LGALS3: variants seen among roughly 807,000 people sequenced by gnomAD.
LGALS3 encodes the protein galectin-3.
A neutral mutation model predicts 20.7 loss-of-function variants in LGALS3; 18 were observed. The observed-to-expected ratio is 0.87, with a 90% CI of 0.60 to 1.29. LGALS3 has a LOEUF of 1.29. Among genes scored for constraint, LGALS3 ranks in the 50% most tolerant of loss-of-function variants. LGALS3 has a pLI of 0.00. For synonymous variants in LGALS3, 112 were observed against 119.6 expected (o/e 0.94, Z 0.42); for missense variants, 315 against 314.7 (o/e 1.00, Z -0.01).
chr14:55,130,683 C>T (rs1381585533), intron 1 of LGALS3, among the ~76,000 whole-genome samples: 3 of 150,606 alleles, frequency 2.0e-5, no homozygotes, highest in African/African-American at 7.4e-5. Context: ...CCTCAGCCTC[C>T]CGAGTAGCTG....
chr14:55,129,590 G>C lies in LGALS3; in HGVS notation c.-5+290G>C, dbSNP rs1415984449. Among the ~76,000 whole-genome samples, 1 of 152,198 alleles carries C rather than the reference G, an allele frequency of 6.6e-6. No homozygotes were observed. Among genetic ancestry groups the C allele is most frequent in the Non-Finnish European group, 1.5e-5 (1 of 68,026 alleles). On this transcript the variant is annotated intron_variant, in intron 1 of 5. Coordinates refer to ENST00000254301, the MANE Select transcript of LGALS3 (RefSeq NM_002306.4). This position sits in a 1 kb window ranked among gnomAD's most constrained non-coding sequence, Gnocchi z 5.3. Reference sequence around the variant, plus strand: ...GGGGCGGCACGGGCCACCTTCTGCGGAGCCTCGTGGGCTTCGCCGCCGTCG... The same window carrying C: ...GGGGCGGCACGGGCCACCTTCTGCGCAGCCTCGTGGGCTTCGCCGCCGTCG...
intron 2 of LGALS3, 27 bp downstream of exon 2, chr14:55,137,418 C>A (rs1329361678): frequency 2.5e-6 from 4 of 1,614,022 alleles, no homozygotes; most frequent in African/African-American, 1.3e-5. Flanking sequence ...TGTTTCTTCC[C>A]CTTGATCAGC....
chr14:55,144,197 G>A (rs1416740732), intron 5 of LGALS3, among the ~76,000 whole-genome samples: 1 of 152,230 alleles, frequency 6.6e-6, no homozygotes, highest in Admixed American at 6.5e-5. Context: ...CTGGAGTACA[G>A]TGGCATGGTC....
chr14:55,130,240 G>A (rs930271106), intron 1 of LGALS3, among the ~76,000 whole-genome samples: 4 of 152,196 alleles, frequency 2.6e-5, no homozygotes, highest in Admixed American at 2.6e-4. Flanking sequence ...ATTGCCCTCT[G>A]AGCAGTAGGC....
chr14:55,138,605 G>A (rs1290131952), intron 3 of LGALS3, among the ~76,000 whole-genome samples: 2 of 113,796 alleles, frequency 1.8e-5, no homozygotes, highest in African/African-American at 8.8e-5. Flanking sequence ...CAAGATTGTA[G>A]TAATGGAGAA....
intron 3 of LGALS3, among the ~76,000 whole-genome samples, chr14:55,139,186 G>C (rs1288156042): frequency 1.3e-5 from 2 of 152,072 alleles, no homozygotes; most frequent in Admixed American, 1.3e-4. Context: ...AGACATGAAG[G>C]CTGTGGAAAG....
In LGALS3 at chr14:55,142,755, T is replaced by C. The variant is rs878888366; in HGVS notation, c.597+6T>C. On this transcript the variant is annotated splice_donor_region_variant and intron_variant, in intron 5 of 5. Transcript: ENST00000254301. ...AAAGTGGGAAACCATTCAAAGTAAG[T>C]TATTGCTACTATTATATATTGATAA... 1 of 1,599,354 alleles carries C rather than the reference T, an allele frequency of 6.3e-7. No homozygotes were observed. The highest frequency in any genetic ancestry group is 1.7e-5 in the Admixed American group (1 of 59,966).
At chr14:55,131,195 G>A (rs554749167) in intron 1 of LGALS3, among the ~76,000 whole-genome samples, 16 of 152,310 alleles carry the variant, frequency 1.1e-4, no homozygotes, top group African/African-American at 3.1e-4. Flanking sequence ...ACTAAGTTAC[G>A]TAAGAAGCAG....
In LGALS3 at chr14:55,129,628, C is replaced by T. The variant is rs976507675; in HGVS notation, c.-5+328C>T. 2.6e-5 allele frequency among the ~76,000 whole-genome samples: 4 copies of T among 152,232 alleles called. No individual in the cohort carries two copies. The highest frequency in any genetic ancestry group is 9.6e-5 in the African/African-American group (4 of 41,464). On this transcript the variant is annotated intron_variant, in intron 1 of 5. Transcript: ENST00000254301. The surrounding 1 kb of genome is among the most constrained non-coding windows in gnomAD (Gnocchi z 5.3). ...TTCGCCGCCGTCGCACCTCCGCCGC[C>T]TGCGCTCTGCGGCCCCAGAGTAAGC...
chr14:55,145,288 TAAAA>T lies in LGALS3; in HGVS notation c.*27_*30del. On this transcript the variant is annotated 3_prime_UTR_variant, in exon 6 of 6. Transcript: ENST00000254301. ...ATGATATAATCTGAAAGGGGCAGAT[TAAAA>T]AAAAAAAAAGAATCTAAACCTTACA... The T allele has an allele frequency of 2.9e-6, 4 of 1,382,254 alleles. No homozygotes were observed. Among genetic ancestry groups the T allele is most frequent in the Non-Finnish European group, 3.0e-6 (3 of 997,900 alleles). The allele number at this position is 1,382,254 out of a possible 1,614,324, so 85.6% of individuals were successfully genotyped here.
intron 2 of LGALS3, chr14:55,137,616 T>C (rs1881448363): frequency 1.4e-6 from 2 of 1,446,152 alleles, no homozygotes; most frequent in Non-Finnish European, 1.8e-6. Context: ...CAGTAACCCT[T>C]TCACCAAAAG....
intron 3 of LGALS3, among the ~76,000 whole-genome samples, 166 bp from the exon 4 acceptor site, chr14:55,140,109 A>C (rs1430849313): frequency 6.6e-6 from 1 of 152,160 alleles, no homozygotes; most frequent in African/African-American, 2.4e-5. Flanking sequence ...AGGGAGCCTT[A>C]TCTCTTTGGC....
At chr14:55,140,460 C>A in intron 4 of LGALS3, 97 bp downstream of exon 4, 1 of 687,898 alleles carries the variant, frequency 1.5e-6, no homozygotes, top group Non-Finnish European at 2.4e-6. Context: ...TCTTACAGTG[C>A]TATTTTGAAT....
At chr14:55,145,002 T>C in intron 5 of LGALS3, 114 bp from the exon 6 acceptor site, 2 of 833,872 alleles carry the variant, frequency 2.4e-6, no homozygotes, top group Non-Finnish European at 3.8e-6. Flanking sequence ...TTTATTTCAG[T>C]TGACAAAAAA....
At chr14:55,133,454 G>A (rs146277113) in intron 1 of LGALS3, among the ~76,000 whole-genome samples, 192 of 152,292 alleles carry the variant, frequency 1.3e-3, no homozygotes, top group African/African-American at 4.4e-3. Context: ...GCTACTAAGT[G>A]ACTTGTGGGT....
chr14:55,135,718 C>A (rs1254850601), intron 1 of LGALS3, among the ~76,000 whole-genome samples: 1 of 151,898 alleles, frequency 6.6e-6, no homozygotes, highest in Non-Finnish European at 1.5e-5. Context: ...GCATGCGCCA[C>A]CACACCCGGC....
rs890789425 is a variant in LGALS3, at chr14:55,145,319, G to A, written c.*48G>A. On this transcript the variant is annotated 3_prime_UTR_variant, in exon 6 of 6. Coordinates refer to ENST00000254301, the MANE Select transcript of LGALS3 (RefSeq NM_002306.4). ...AAAAAAAAGAATCTAAACCTTACAT[G>A]TGTAAAGGTTTCATGTTCACTGTGA... 92 of 1,599,196 alleles carry A rather than the reference G, an allele frequency of 5.8e-5. No homozygotes were observed. Among genetic ancestry groups the A allele is most frequent in the Non-Finnish European group, 7.5e-5 (88 of 1,170,946 alleles).
rs373019488 is a variant in LGALS3 at position 55,142,724 on chromosome 14, C to T, written c.572C>T (p.Pro191Leu). 3 of 1,613,356 alleles carry T rather than the reference C, an allele frequency of 1.9e-6. No individual in the cohort carries two copies. In the African/African-American group the frequency reaches 4.0e-5, roughly 22 times the overall value. The change falls in exon 5 of 6, where the codon CCA becomes CTA. Residue 191 changes from proline (P) to leucine (L), a missense_variant. Pro to Leu is a moderately conservative substitution (Grantham distance 98, BLOSUM62 -3). Coordinates refer to ENST00000254301, the MANE Select transcript of LGALS3 (RefSeq NM_002306.4). ...AGGGAAGAAAGACAGTCGGTTTTCC[C>T]ATTTGAAAGTGGGAAACCATTCAAA... is the stretch of plus-strand genomic sequence containing the variant. ...WGREERQSVF[P>L]FESGKPFKIQ...
chr14:55,138,268 G>A lies in LGALS3; in HGVS notation c.242G>A (p.Gly81Glu). ...PGAPAPGVYP[G>E]PPSGPGAYPS... ...GCACCTGCACCTGGAGTCTACCCAG[G>A]GCCACCCAGCGGCCCTGGGGCCTAC... Residue 81 changes from glycine to glutamate, a missense_variant, in exon 3 of 6, where the codon GGG (glycine) becomes GAG (glutamate). Transcript: ENST00000254301. The A allele has an allele frequency of 6.2e-7, 1 of 1,612,950 alleles. No individual in the cohort carries two copies. Among genetic ancestry groups the A allele is most frequent in the South Asian group, 1.1e-5 (1 of 91,082 alleles).
Sources: gnomAD v4.1 joint callset for allele counts (sites outside exome capture counted in the v4.1 genomes callset) on GRCh38, gnomAD v4.1.1 for gene constraint, Gnocchi (gnomAD v3.1) non-coding constraint, MANE v1.5 for transcripts, NCBI Gene and HGNC (gene_info 2026-07-23, HGNC 2026-07-21) for gene names.